Variants in SRGAP2C observed in about 807,000 individuals in gnomAD.
SRGAP2C encodes SLIT-ROBO Rho GTPase-activating protein 2C.
Under a neutral mutation model 25.1 loss-of-function variants are expected in SRGAP2C, and 15 were observed. The observed-to-expected ratio is 0.60, with a 90% CI of 0.40 to 0.92. The LOEUF is 0.92. Ranked by LOEUF, SRGAP2C falls within the 40% of genes least tolerant of loss-of-function variation. SRGAP2C has a pLI of 0.00. For synonymous variants in SRGAP2C, 44 were observed against 96.6 expected (o/e 0.46, Z 3.19); for missense variants, 144 against 264.4 (o/e 0.54, Z 3.16).
At chr1:121,292,155 C>T (rs1174026623) in intron 3 of SRGAP2C, among the ~76,000 whole-genome samples, 1 of 151,988 alleles carries the variant, frequency 6.6e-6, no homozygotes, top group Non-Finnish European at 1.5e-5. Context: ...CATGGCCTGC[C>T]TGCTCAAGTT....
chr1:121,275,504 A>G (rs1177518948), intron 2 of SRGAP2C, among the ~76,000 whole-genome samples: 1 of 91,752 alleles, frequency 1.1e-5, no homozygotes. Flanking sequence ...TTTCTTAAAC[A>G]TCTCAGGCAA....
At position 121,314,746 on chromosome 1, in the gene SRGAP2C, G is replaced by T. The variant is rs1553340401; in HGVS notation, c.261-9732G>T. On this transcript the variant is annotated intron_variant, in intron 3 of 9. Transcript: ENST00000367123. The stretch of plus-strand genomic sequence containing the variant: ...TCCCAGTTAGGCTGCTCGGGGGTCA[G>T]GGATCAGGGACCCACTTGAGGAGGC... Among the ~76,000 whole-genome samples the T allele has an allele frequency of 1.4e-3, 211 of 151,502 alleles. 1 individual carries two copies. Among genetic ancestry groups the T allele is most frequent in the African/African-American group, 4.7e-3 (194 of 41,012 alleles).
chr1:121,243,776 G>GT (rs1389936724), intron 2 of SRGAP2C, among the ~76,000 whole-genome samples: 3 of 126,944 alleles, frequency 2.4e-5, no homozygotes, highest in Admixed American at 7.7e-5. Context: ...ACCATGCAGT[G>GT]TTTTTGTTTT....
intron 2 of SRGAP2C, among the ~76,000 whole-genome samples, chr1:121,236,525 C>T (rs1180558288): frequency 6.6e-6 from 1 of 152,056 alleles, no homozygotes; most frequent in African/African-American, 2.4e-5. Context: ...CTCAGGTTAA[C>T]TTTTCTCCTT....
chr1:121,278,033 TG>T (rs1203773396), intron 2 of SRGAP2C, among the ~76,000 whole-genome samples: 3 of 149,530 alleles, frequency 2.0e-5, no homozygotes, highest in Non-Finnish European at 4.5e-5. Context: ...CTTGACCTCC[TG>T]GGCTCAAGCA....
rs1246472687 is a variant in SRGAP2C at position 121,285,468 on chromosome 1, G to C, written c.260+473G>C. Among the ~76,000 whole-genome samples, 10 of 149,426 alleles carry C rather than the reference G, an allele frequency of 6.7e-5. No homozygotes were observed. The South Asian group carries it at 2.1e-3, about 32-fold the overall frequency. ...TAGTAAATAGTAGAGCTGGAATTGGGCTGCAGGGTCTATATTTTTAACCAT... is the reference window on the plus strand; with the variant it reads ...TAGTAAATAGTAGAGCTGGAATTGGCCTGCAGGGTCTATATTTTTAACCAT... On this transcript the variant is annotated intron_variant, in intron 3 of 9. Transcript: ENST00000367123.
At chr1:121,233,095 G>T (rs1259611025) in intron 2 of SRGAP2C, among the ~76,000 whole-genome samples, 1 of 126,960 alleles carries the variant, frequency 7.9e-6, no homozygotes, top group South Asian at 2.9e-4. Context: ...TGGACCTTGA[G>T]TAGCTGAGTT....
At chr1:121,343,405 G>A (rs1270423204) in intron 4 of SRGAP2C, among the ~76,000 whole-genome samples, 2 of 151,674 alleles carry the variant, frequency 1.3e-5, no homozygotes, top group Non-Finnish European at 2.9e-5. Context: ...ATCCCCTCTT[G>A]GGCCAGGAAG....
At chr1:121,304,210 C>CAAAA (rs1174072520) in intron 3 of SRGAP2C, among the ~76,000 whole-genome samples, 3 of 21,380 alleles carry the variant, frequency 1.4e-4, no homozygotes, top group East Asian at 1.7e-3. Flanking sequence ...GACTCCATAT[C>CAAAA]AAAAAAAAAA....
chr1:121,224,763 T>A (rs1655624482), intron 2 of SRGAP2C, among the ~76,000 whole-genome samples: 1 of 151,906 alleles, frequency 6.6e-6, no homozygotes, highest in South Asian at 2.1e-4. Context: ...ACCACTACTC[T>A]GTGCCCGTTT....
chr1:121,392,614 A>G lies in SRGAP2C; in HGVS notation c.*4759A>G, dbSNP rs1553358439. 5 of 132,208 alleles carry G rather than the reference A, an allele frequency of 3.8e-5. No homozygotes were observed. In the South Asian group the frequency reaches 1.1e-3, roughly 28 times the overall value. The allele number at this position is 132,208 out of a possible 1,614,324, so 8.2% of individuals were successfully genotyped here. On this transcript the variant is annotated 3_prime_UTR_variant, in exon 10 of 10. Transcript: ENST00000367123. Reference sequence around the variant, plus strand: ...TTTCTGATGCTTTTAAGGATGTTTTATAACAAATTGTGTAGCTTTTTCCAA... The same window carrying G: ...TTTCTGATGCTTTTAAGGATGTTTTGTAACAAATTGTGTAGCTTTTTCCAA...
intron 2 of SRGAP2C, among the ~76,000 whole-genome samples, chr1:121,273,947 G>A (rs1553335712): frequency 2.6e-5 from 4 of 151,578 alleles, no homozygotes; most frequent in Non-Finnish European, 2.9e-5. Flanking sequence ...CCCAGGAACA[G>A]CCATTGCAAC....
intron 2 of SRGAP2C, among the ~76,000 whole-genome samples, chr1:121,218,867 A>G (rs1655462943): frequency 6.6e-6 from 1 of 151,800 alleles, no homozygotes; most frequent in African/African-American, 2.4e-5. Context: ...CATAAATTAT[A>G]CACTTAACAT....
chr1:121,368,537 G>C (rs1435278776), intron 5 of SRGAP2C, among the ~76,000 whole-genome samples: 1 of 151,674 alleles, frequency 6.6e-6, no homozygotes, highest in Non-Finnish European at 1.5e-5. Context: ...TAGTACTGAA[G>C]AGTTTCCTGG....
At chr1:121,306,138 T>C (rs1378914033) in intron 3 of SRGAP2C, among the ~76,000 whole-genome samples, 32 of 152,008 alleles carry the variant, frequency 2.1e-4, no homozygotes, top group Admixed American at 7.9e-4. Context: ...GGTCAAATAA[T>C]TCACCAGCTT....
Position 121,284,973 on chromosome 1 carries a change from A to G in SRGAP2C, c.238A>G (p.Ser80Gly). The G allele has an allele frequency of 1.9e-6, 3 of 1,540,020 alleles. No individual in the cohort carries two copies. The highest frequency in any genetic ancestry group is 2.6e-6 in the Non-Finnish European group (3 of 1,141,656). The change falls in exon 3 of 10, where the codon AGC becomes GGC. Residue 80 changes from serine (S) to glycine (G), a missense_variant. Ser to Gly is a moderately conservative substitution (Grantham distance 56). Transcript: ENST00000367123. ...LAEHFLAKTR[S>G]TKDQQFKKDQ... ...AGAACACTTCCTGGCCAAGACACGC[A>G]GCACCAAGGACCAGCAATTCAAGTA...
At chr1:121,201,507 C>T (rs1297110151) in intron 2 of SRGAP2C, among the ~76,000 whole-genome samples, 7 of 152,062 alleles carry the variant, frequency 4.6e-5, no homozygotes, top group Non-Finnish European at 7.3e-5. Flanking sequence ...ACAGAAACCT[C>T]CCAAGTTTCT....
At chr1:121,208,085 T>C (rs1460843753) in intron 2 of SRGAP2C, among the ~76,000 whole-genome samples, 4 of 152,120 alleles carry the variant, frequency 2.6e-5, no homozygotes, top group Non-Finnish European at 5.9e-5. Flanking sequence ...TAGGAGTTGC[T>C]GTGTTGACTA....
intron 2 of SRGAP2C, among the ~76,000 whole-genome samples, chr1:121,236,674 G>A (rs587653495): frequency 4.0e-5 from 6 of 151,682 alleles, no homozygotes; most frequent in South Asian, 2.1e-4. Context: ...CTTTCAGTTC[G>A]AGATCTTATT....
Sources: gnomAD v4.1 joint callset for allele counts (sites outside exome capture counted in the v4.1 genomes callset) on GRCh38, gnomAD v4.1.1 for gene constraint, MANE v1.5 for transcripts, NCBI Gene and HGNC (gene_info 2026-07-23, HGNC 2026-07-21) for gene names.